The following MDFIC variants were observed in gnomAD, a reference collection of about 807,000 sequenced individuals.
The protein encoded by MDFIC is myoD family inhibitor domain-containing protein.
A neutral mutation model predicts 23.2 loss-of-function variants in MDFIC; 17 were observed. The ratio of observed to expected loss-of-function variants is 0.73; its 90% CI spans 0.50 to 1.10. The LOEUF (loss-of-function observed/expected upper bound fraction) is 1.10. Ranked by LOEUF, MDFIC falls within the 50% of genes least tolerant of loss-of-function variation. The pLI, the probability that MDFIC is intolerant of heterozygous loss-of-function variation, is 0.00. For synonymous variants in MDFIC, 120 were observed against 115.2 expected (o/e 1.04, Z -0.27); for missense variants, 356 against 316.6 (o/e 1.12, Z -0.95).
intron 3 of MDFIC, among the ~76,000 whole-genome samples, chr7:114,967,825 C>A: frequency 9.2e-6 from 1 of 108,332 alleles, no homozygotes; most frequent in South Asian, 3.5e-4. Flanking sequence ...TTTTTTCTTT[C>A]TTTTCTTTTT....
At chr7:115,013,306 G>A (rs1791718873) in intron 4 of MDFIC, among the ~76,000 whole-genome samples, 1 of 151,480 alleles carries the variant, frequency 6.6e-6, no homozygotes. Flanking sequence ...GACTAAAGGA[G>A]GCTTCAAAAA....
chr7:115,015,794 C>T lies in MDFIC; in HGVS notation c.600C>T (p.Cys200=), dbSNP rs533424249. 1.2e-6 allele frequency: 2 copies of T among 1,614,210 alleles called. No homozygotes were observed. Among genetic ancestry groups the T allele is most frequent in the South Asian group, 1.1e-5 (1 of 91,078 alleles). ...GTGGCATCTGCACCTCAGAAGCCTGCTGCTGTTGCTGTGGTGACGAGATGG... is the reference window on the plus strand; with the variant it reads ...GTGGCATCTGCACCTCAGAAGCCTGTTGCTGTTGCTGTGGTGACGAGATGG... ...ASCGICTSEA[C]CCCCGDEMGD... is the part of the protein sequence containing the mutation. The change falls in exon 5 of 5, where the codon TGC becomes TGT. Residue 200 remains cysteine, a synonymous_variant. Transcript: ENST00000393486.
At chr7:114,955,928 A>G (rs901542944) in intron 3 of MDFIC, among the ~76,000 whole-genome samples, 1 of 152,156 alleles carries the variant, frequency 6.6e-6, no homozygotes, top group Non-Finnish European at 1.5e-5. Context: ...ACTATTATTT[A>G]TCTATAAGAC....
At chr7:114,944,391 T>A (rs978332788) in intron 3 of MDFIC, among the ~76,000 whole-genome samples, 9 of 152,238 alleles carry the variant, frequency 5.9e-5, no homozygotes, top group Non-Finnish European at 1.2e-4. Flanking sequence ...TGAATTTTGA[T>A]TATAAATTTC....
chr7:114,969,096 G>A (rs1793155866), intron 3 of MDFIC, among the ~76,000 whole-genome samples: 1 of 152,170 alleles, frequency 6.6e-6, no homozygotes, highest in Non-Finnish European at 1.5e-5. Flanking sequence ...TACTTAACTA[G>A]TATTTTAGAT....
chr7:115,000,649 A>G (rs886941167), intron 4 of MDFIC, among the ~76,000 whole-genome samples: 4 of 152,184 alleles, frequency 2.6e-5, no homozygotes, highest in Non-Finnish European at 4.4e-5. Flanking sequence ...TTAAATTGAA[A>G]TGATAAAAAA....
At chr7:114,944,220 T>G (rs1193007078) in intron 3 of MDFIC, among the ~76,000 whole-genome samples, 1 of 152,138 alleles carries the variant, frequency 6.6e-6, no homozygotes, top group Non-Finnish European at 1.5e-5. Flanking sequence ...ACTGAAGGAA[T>G]GAAGAGATAC....
chr7:114,964,520 C>T (rs569626930), intron 3 of MDFIC, among the ~76,000 whole-genome samples: 1 of 149,524 alleles, frequency 6.7e-6, no homozygotes, highest in Non-Finnish European at 1.5e-5. Flanking sequence ...CCTTTCCTTC[C>T]CTTCACTTCC....
At chr7:114,985,701 CAT>C (rs1253274873) in intron 4 of MDFIC, among the ~76,000 whole-genome samples, 1 of 151,544 alleles carries the variant, frequency 6.6e-6, no homozygotes, top group Non-Finnish European at 1.5e-5. Flanking sequence ...TTCATGAATT[CAT>C]ATGTTTTATT....
At chr7:114,958,469 G>A (rs528031877) in intron 3 of MDFIC, among the ~76,000 whole-genome samples, 12 of 152,268 alleles carry the variant, frequency 7.9e-5, no homozygotes, top group African/African-American at 2.4e-4. Context: ...CTATTTTCCC[G>A]GCTGGGCAAG....
intron 3 of MDFIC, among the ~76,000 whole-genome samples, chr7:114,950,361 G>A (rs1792740904): frequency 6.6e-6 from 1 of 152,176 alleles, no homozygotes; most frequent in African/African-American, 2.4e-5. Flanking sequence ...TTTTAGTTTG[G>A]ACAAGTGATA....
intron 3 of MDFIC, among the ~76,000 whole-genome samples, chr7:114,976,762 A>G (rs1172947997): frequency 1.3e-5 from 2 of 152,160 alleles, no homozygotes; most frequent in African/African-American, 4.8e-5. Context: ...ATATTTTGAT[A>G]TGTTAAGATG....
chr7:114,946,701 T>C (rs1792651756), intron 3 of MDFIC, among the ~76,000 whole-genome samples: 1 of 152,196 alleles, frequency 6.6e-6, no homozygotes. Context: ...AGCACTTAAT[T>C]GGCAGTAGAA....
rs1187928400 is a variant in MDFIC, at chr7:115,017,778, T to C, written c.*1843T>C. 1 of 152,340 alleles carries C rather than the reference T, an allele frequency of 6.6e-6. No homozygotes were observed. Among genetic ancestry groups the C allele is most frequent in the Admixed American group, 6.5e-5 (1 of 15,268 alleles). The allele number at this position is 152,340 out of a possible 1,614,324, so 9.4% of individuals were successfully genotyped here. A position where few individuals can be genotyped will look rare whatever the true frequency, so the allele number is the denominator to read the frequency against. ...TTAATATAATTCTTAGTAGAAATTT[T>C]GAAAGTATGCTTTGGGATTAATAAT... On this transcript the variant is annotated 3_prime_UTR_variant, in exon 5 of 5. Coordinates refer to ENST00000393486, the MANE Select transcript of MDFIC (RefSeq NM_001166345.3).
At position 115,019,495 on chromosome 7, in the gene MDFIC, C is replaced by A. The variant is rs1791860103; in HGVS notation, c.*3560C>A. Among the ~76,000 whole-genome samples, 1 of 152,072 alleles carries A rather than the reference C, an allele frequency of 6.6e-6. No individual in the cohort carries two copies. On this transcript the variant is annotated 3_prime_UTR_variant, in exon 5 of 5. Transcript: ENST00000393486. ...ATAAACGTCAAACATCACTGCCCAA[C>A]ATAAATAAGACTCGAGACTTATTAA...
intron 3 of MDFIC, among the ~76,000 whole-genome samples, chr7:114,971,094 C>T (rs1009407731): frequency 2.6e-5 from 4 of 152,132 alleles, no homozygotes; most frequent in African/African-American, 9.7e-5. Context: ...GCTTTTACTT[C>T]AACTAGTTAG....
At chr7:114,931,043 C>T (rs542070938) in intron 2 of MDFIC, among the ~76,000 whole-genome samples, 175 of 152,272 alleles carry the variant, frequency 1.1e-3, no homozygotes, top group African/African-American at 4.0e-3. Context: ...CTTGATCTCT[C>T]TCTCTCCCTC....
At chr7:114,997,068 TG>T (rs1791348227) in intron 4 of MDFIC, among the ~76,000 whole-genome samples, 1 of 152,178 alleles carries the variant, frequency 6.6e-6, no homozygotes, top group Non-Finnish European at 1.5e-5. Context: ...CCATTGAAAT[TG>T]TCACGTAGAA....
At chr7:114,937,496 A>G (rs1398740776) in intron 2 of MDFIC, among the ~76,000 whole-genome samples, 2 of 152,188 alleles carry the variant, frequency 1.3e-5, no homozygotes, top group Non-Finnish European at 2.9e-5. Flanking sequence ...CTTGTGAAGA[A>G]TCAGATTTGC....
Sources: allele counts gnomAD v4.1 joint callset (sites outside exome capture counted in the v4.1 genomes callset), GRCh38; gene constraint gnomAD v4.1.1; transcripts MANE v1.5; gene names NCBI Gene and HGNC (gene_info 2026-07-23, HGNC 2026-07-21).